PSG9: variants seen among roughly 807,000 people sequenced by gnomAD.
The protein encoded by PSG9 is pregnancy-specific beta-1-glycoprotein 9.
A neutral mutation model predicts 41.9 loss-of-function variants in PSG9; 49 were observed. The ratio of observed to expected loss-of-function variants is 1.17; its 90% CI spans 0.93 to 1.48. PSG9 has a LOEUF of 1.48. PSG9 is among the 40% of genes most tolerant of loss of function. The pLI is 0.00. For synonymous variants in PSG9, 263 were observed against 196.8 expected, an observed-to-expected ratio of 1.34 and a Z score of -2.82; for missense variants, 641 against 520.3, an observed-to-expected ratio of 1.23 and a Z score of -2.26.
At chr19:43,265,294 C>T (rs927928899) in intron 2 of PSG9, among the ~76,000 whole-genome samples, 1 of 152,100 alleles carries the variant, frequency 6.6e-6, no homozygotes, top group Non-Finnish European at 1.5e-5. Flanking sequence ...CTGACTGCTC[C>T]GATGTCATTT....
chr19:43,258,520 T>C (rs1968548480), intron 4 of PSG9, 64 bp from the exon 5 acceptor site: 1 of 1,493,480 alleles, frequency 6.7e-7, no homozygotes, highest in Non-Finnish European at 8.8e-7. Context: ...TCCTGGTCTC[T>C]TAAAGGGACA....
At chr19:43,259,283 C>G (rs1306544666) in intron 3 of PSG9, 148 bp from the exon 4 acceptor site, 19 of 1,338,942 alleles carry the variant, frequency 1.4e-5, no homozygotes, top group Non-Finnish European at 1.9e-5. Context: ...AAGACAGATG[C>G]ATGATGATCT....
rs184882759 is a variant in PSG9 at position 43,256,745 on chromosome 19, T to C, written c.1243+1457A>G. Among the ~76,000 whole-genome samples the C allele has an allele frequency of 7.5e-5, 11 of 146,952 alleles. 4 individuals carry two copies. The East Asian group carries it at 1.4e-3, about 19-fold the overall frequency. On this transcript the variant is annotated intron_variant, in intron 5 of 5. Coordinates refer to ENST00000270077, the MANE Select transcript of PSG9 (RefSeq NM_002784.5). ...ATGGAAAAATTGGAGCTCTAGTGCA[T>C]TGCTGATGGGAATGGGAAATGTTAT...
Position 43,262,000 on chromosome 19 carries a change from G to A in PSG9, c.569C>T (p.Thr190Ile). 6.2e-7 allele frequency: 1 copy of A among 1,614,056 alleles called. No homozygotes were observed. Among genetic ancestry groups the A allele is most frequent in the Non-Finnish European group, 8.5e-7 (1 of 1,179,930 alleles). ...WWMNGQSLPV[T>I]HRLQLSKTNR... is the part of the protein sequence containing the mutation. ...GGTTTTGGACAGCTGCAACCTGTGAGTCACAGGGAGGCTCTGACCATTCAT... is the reference window on the plus strand; with the variant it reads ...GGTTTTGGACAGCTGCAACCTGTGAATCACAGGGAGGCTCTGACCATTCAT... Residue 190 changes from threonine to isoleucine, a missense_variant, in exon 3 of 6, where the codon ACT becomes ATT. Physicochemically the swap from Thr to Ile is moderately conservative, Grantham distance 89 (BLOSUM62 -1). Coordinates refer to ENST00000270077, the MANE Select transcript of PSG9 (RefSeq NM_002784.5).
Position 43,254,897 on chromosome 19 carries a change from A to G in PSG9, c.1244-1251T>C, listed in dbSNP as rs941647067. 4.9e-5 allele frequency among the ~76,000 whole-genome samples: 7 copies of G among 142,476 alleles called. 1 individual carries two copies. Among genetic ancestry groups the G allele is most frequent in the African/African-American group, 1.1e-4 (4 of 36,606 alleles). 93.5% of individuals were successfully genotyped at this position (142,476 alleles called of 152,430 possible). A position where few individuals can be genotyped will look rare whatever the true frequency, so the allele number is the denominator to read the frequency against. ...TGAGACCAGGTGTTTGGACCAGCAT[A>G]GGTAACCTGGGGAGATGCTGTCTCT... On this transcript the variant is annotated intron_variant, in intron 5 of 5. Transcript: ENST00000270077.
chr19:43,269,397 C>T lies in PSG9; in HGVS notation c.35G>A (p.Arg12His), dbSNP rs142118461. 296 of 1,613,624 alleles carry T rather than the reference C, an allele frequency of 1.8e-4. 5 individuals carry two copies. The highest frequency in any genetic ancestry group is 7.7e-4 in the South Asian group (70 of 91,068). Residue 12 changes from arginine (R) to histidine (H), a missense_variant, in exon 1 of 6, where the codon CGC becomes CAC. By Grantham distance (29) the Arg-to-His change is conservative. Coordinates refer to ENST00000270077, the MANE Select transcript of PSG9 (RefSeq NM_002784.5). ...GAGCAGGAGCCCCTTCCAGGTGATGCGCTGTGTGCAGGAAGGGGCTGGGAG... is the reference window on the plus strand; with the variant it reads ...GAGCAGGAGCCCCTTCCAGGTGATGTGCTGTGTGCAGGAAGGGGCTGGGAG... ...GPLPAPSCTQ[R>H]ITWKGLLLTA...
rs758261548 is a variant in PSG9 at position 43,267,748 on chromosome 19, C to T, written c.430+36G>A. On this transcript the variant is annotated intron_variant, in intron 2 of 5. Coordinates refer to ENST00000270077, the MANE Select transcript of PSG9 (RefSeq NM_002784.5). ...GTGTGTGAAGTAGAAATGACCCCTT[C>T]CCCCCAACACCCAGGGATCATGTGG... The T allele has an allele frequency of 8.4e-5, 136 of 1,611,412 alleles. 2 individuals carry two copies. The highest frequency in any genetic ancestry group is 2.6e-4 in the South Asian group (24 of 90,800).
intron 1 of PSG9, 115 bp from the exon 2 acceptor site, chr19:43,268,264 G>T: frequency 1.5e-6 from 2 of 1,367,206 alleles, no homozygotes; most frequent in Non-Finnish European, 2.0e-6. Flanking sequence ...ATACACACAC[G>T]CACACATACA....
Position 43,267,894 on chromosome 19 carries a change from A to T in PSG9, c.320T>A (p.Leu107Gln), listed in dbSNP as rs751354858. ...CTTCCGGGTGACATTCTGGATCAGC[A>T]GGGATGCGTTGGAATATACTGTTTC... ...GRETVYSNASLLIQNVTRKDA... is the reference protein window; with the variant it reads ...GRETVYSNASQLIQNVTRKDA... The change falls in exon 2 of 6, where the codon CTG (leucine) becomes CAG (glutamine). Residue 107 changes from leucine (L) to glutamine (Q), a missense_variant. By Grantham distance (113) the Leu-to-Gln change is moderately radical (BLOSUM62 -2). Coordinates refer to ENST00000270077, the MANE Select transcript of PSG9 (RefSeq NM_002784.5). 6.2e-7 allele frequency: 1 copy of T among 1,613,846 alleles called. No homozygotes were observed. The highest frequency in any genetic ancestry group is 1.1e-5 in the South Asian group (1 of 91,072).
chr19:43,267,947 AATT>A lies in PSG9; in HGVS notation c.264_266del (p.Ile90del). ...TTCCACTGTATGCAGGCCCATATAT[AATT>A]ATTTTACCATCAACTATATACGATA... On this transcript the variant is annotated inframe_deletion, in exon 2 of 6. Transcript: ENST00000270077. 1 of 1,613,554 alleles carries A rather than the reference AATT, an allele frequency of 6.2e-7. No individual in the cohort carries two copies. Among genetic ancestry groups the A allele is most frequent in the Non-Finnish European group, 8.5e-7 (1 of 1,179,720 alleles).
rs1183535198 is a variant in PSG9, at chr19:43,266,126, A to G, written c.430+1658T>C. The stretch of plus-strand genomic sequence containing the variant: ...CAGAGAGAGGCAGAGACACCATGGC[A>G]GTGAGCAGTGAGGGAGACACTGACT... On this transcript the variant is annotated intron_variant, in intron 2 of 5. Transcript: ENST00000270077. 2.6e-5 allele frequency among the ~76,000 whole-genome samples: 4 copies of G among 151,886 alleles called. No homozygotes were observed. The East Asian group carries it at 7.8e-4, about 30-fold the overall frequency.
chr19:43,265,229 A>G (rs1968911972), intron 2 of PSG9, among the ~76,000 whole-genome samples: 1 of 152,178 alleles, frequency 6.6e-6, no homozygotes, highest in Non-Finnish European at 1.5e-5. Flanking sequence ...CATGAGATTA[A>G]GATTATAGGA....
chr19:43,265,203 C>T (rs1015236155), intron 2 of PSG9, among the ~76,000 whole-genome samples: 1 of 152,152 alleles, frequency 6.6e-6, no homozygotes, highest in Non-Finnish European at 1.5e-5. Context: ...CTGCTTTTGT[C>T]AAACTAGTGA....
At chr19:43,269,239 C>T (rs1370550196) in intron 1 of PSG9, 129 bp downstream of exon 1, 4 of 1,483,456 alleles carry the variant, frequency 2.7e-6, no homozygotes, top group South Asian at 2.3e-5. Context: ...CTCCTGATCT[C>T]GTGATCCACC....
chr19:43,259,716 C>T (rs1361474111), intron 3 of PSG9: 1 of 151,142 alleles, frequency 6.6e-6, no homozygotes, highest in Non-Finnish European at 1.4e-5. Flanking sequence ...GCAGTGGAGG[C>T]TCAAGGTGGG....
In PSG9 at chr19:43,253,433, G is replaced by T. The variant is rs527461615; in HGVS notation, c.*176C>A. On this transcript the variant is annotated 3_prime_UTR_variant, in exon 6 of 6. Transcript: ENST00000270077. ...CTTTACCAATTGCTGAAGAAAAAAA[G>T]TTCATAAATCTGGAGAATAAAACAT... The T allele has an allele frequency of 1.4e-3, 613 of 424,872 alleles. 28 individuals carry two copies. The highest frequency in any genetic ancestry group is 3.6e-4 in the African/African-American group (16 of 44,918). 26.3% of individuals were successfully genotyped at this position (424,872 alleles called of 1,614,324 possible). A position where few individuals can be genotyped will look rare whatever the true frequency, so the allele number is the denominator to read the frequency against.
At chr19:43,264,222 T>G (rs779296983) in intron 2 of PSG9, among the ~76,000 whole-genome samples, 9 of 152,116 alleles carry the variant, frequency 5.9e-5, no homozygotes, top group Non-Finnish European at 1.0e-4. Context: ...TCCCATTATG[T>G]GTATGTTACA....
chr19:43,263,156 C>A (rs369086573), intron 2 of PSG9, among the ~76,000 whole-genome samples: 42 of 152,070 alleles, frequency 2.8e-4, no homozygotes, highest in African/African-American at 9.9e-4. Flanking sequence ...CAGAGTGAAT[C>A]AGAAAGTAGA....
rs1010291908 is a variant in PSG9, at chr19:43,260,452, G to C, written c.710-1317C>G. 2.4e-4 allele frequency: 35 copies of C among 148,252 alleles called. 1 individual carries two copies. The highest frequency in any genetic ancestry group is 3.2e-3 in the Middle Eastern group (1 of 314). 9.2% of individuals were successfully genotyped at this position (148,252 alleles called of 1,614,324 possible). A position where few individuals can be genotyped will look rare whatever the true frequency, so the allele number is the denominator to read the frequency against. On this transcript the variant is annotated intron_variant, in intron 3 of 5. Coordinates refer to ENST00000270077, the MANE Select transcript of PSG9 (RefSeq NM_002784.5). ...AGCATTTCTTTTCAGCATCAGATTA[G>C]TAGGCAAAAGTGGGAGGTGATAAGC...
Sources: gnomAD v4.1 joint callset for allele counts (sites outside exome capture counted in the v4.1 genomes callset) on GRCh38, gnomAD v4.1.1 for gene constraint, MANE v1.5 for transcripts, NCBI Gene and HGNC (gene_info 2026-07-23, HGNC 2026-07-21) for gene names.